Variants in LPP observed in about 807,000 individuals in gnomAD.
LPP encodes the protein lipoma-preferred partner.
A neutral mutation model predicts 60.4 loss-of-function variants in LPP; 38 were observed. The ratio of observed to expected loss-of-function variants is 0.63; its 90% CI spans 0.49 to 0.83. The LOEUF (loss-of-function observed/expected upper bound fraction) is 0.83. LPP is among the 40% of genes least tolerant of loss of function. The pLI, the probability that LPP is intolerant of heterozygous loss-of-function variation, is 0.00. For missense variants in LPP, 902 were observed against 783.6 expected (o/e 1.15, Z -1.80); for synonymous variants, 328 against 290.8 (o/e 1.13, Z -1.30).
chr3:188,839,041 G>C (rs1759232747), intron 9 of LPP, among the ~76,000 whole-genome samples: 1 of 152,094 alleles, frequency 6.6e-6, no homozygotes, highest in Admixed American at 6.6e-5. Flanking sequence ...ATAAGAAGAA[G>C]TTGAAGTCAG....
chr3:188,516,935 A>G (rs1817544175), intron 5 of LPP, among the ~76,000 whole-genome samples: 2 of 152,126 alleles, frequency 1.3e-5, no homozygotes, highest in African/African-American at 4.8e-5. Context: ...ACCCTTACAC[A>G]TGTTCAGATG....
intron 8 of LPP, chr3:188,709,955 T>C (rs1446881973): frequency 6.6e-6 from 1 of 152,246 alleles, no homozygotes; most frequent in Non-Finnish European, 1.5e-5. Flanking sequence ...CCTTTGTTCC[T>C]GTATTTATCT....
intron 2 of LPP, among the ~76,000 whole-genome samples, chr3:188,233,499 T>A (rs1333314813): frequency 6.6e-6 from 1 of 152,214 alleles, no homozygotes; most frequent in African/African-American, 2.4e-5. Flanking sequence ...TTATTAAAAA[T>A]GATCTAATGT....
At position 188,302,430 on chromosome 3, in the gene LPP, GCA is replaced by G. The variant is rs1305518459; in HGVS notation, c.-66-39230_-66-39229del. On this transcript the variant is annotated intron_variant, in intron 2 of 11. Coordinates refer to ENST00000617246, the MANE Select transcript of LPP (RefSeq NM_001375462.1). ...ACCTCTGAAAAGGATCCTGCAAATA[GCA>G]CAGTTTTCAGTTCTTTTCTTGAGAG... is the stretch of plus-strand genomic sequence containing the variant. Among the ~76,000 whole-genome samples the G allele has an allele frequency of 9.2e-5, 14 of 152,296 alleles. No individual in the cohort carries two copies. In the East Asian group the frequency reaches 2.7e-3, roughly 29 times the overall value.
At chr3:188,803,508 G>A (rs1368064092) in intron 9 of LPP, among the ~76,000 whole-genome samples, 1 of 152,158 alleles carries the variant, frequency 6.6e-6, no homozygotes, top group African/African-American at 2.4e-5. Flanking sequence ...CAAATTTTGA[G>A]TAAAGGTATT....
rs1199328934 is a variant in LPP at position 188,880,830 on chromosome 3, A to G, written c.*6351A>G. On this transcript the variant is annotated 3_prime_UTR_variant, in exon 12 of 12. Coordinates refer to ENST00000617246, the MANE Select transcript of LPP (RefSeq NM_001375462.1). ...CATCTTGTGTTCTACACCACTATAG[A>G]GAGTTACAGTTGCCCCCAAACACGA... The G allele has an allele frequency of 5.6e-6, 1 of 179,244 alleles. No homozygotes were observed. The highest frequency in any genetic ancestry group is 1.2e-5 in the Non-Finnish European group (1 of 83,754). The allele number at this position is 179,244 out of a possible 1,614,324, so 11.1% of individuals were successfully genotyped here. A position where few individuals can be genotyped will look rare whatever the true frequency, so the allele number is the denominator to read the frequency against.
intron 5 of LPP, among the ~76,000 whole-genome samples, chr3:188,489,305 A>G (rs965293491): frequency 6.6e-6 from 1 of 152,214 alleles, no homozygotes; most frequent in African/African-American, 2.4e-5. Context: ...GATCAGAAGC[A>G]TAATCTAAGT....
chr3:188,861,888 C>CT (rs11376373), intron 9 of LPP, among the ~76,000 whole-genome samples: 150,685 of 152,322 alleles, frequency 0.99, 74,538 homozygotes, highest in East Asian at 1. Flanking sequence ...TTCTGCTACT[C>CT]TACGTCCTTT....
chr3:188,863,988 AG>A (rs1267524665), intron 9 of LPP, among the ~76,000 whole-genome samples: 2 of 151,158 alleles, frequency 1.3e-5, no homozygotes, highest in Non-Finnish European at 3.0e-5. Context: ...AAACCCACAG[AG>A]GAGCAAAACA....
At chr3:188,700,834 A>T (rs1012077171) in intron 7 of LPP, among the ~76,000 whole-genome samples, 1 of 152,212 alleles carries the variant, frequency 6.6e-6, no homozygotes, top group Non-Finnish European at 1.5e-5. Flanking sequence ...GTAAATATGA[A>T]TATCTGTGAT....
chr3:188,335,734 T>A (rs1449228334), intron 2 of LPP, among the ~76,000 whole-genome samples: 1 of 152,242 alleles, frequency 6.6e-6, no homozygotes, highest in Non-Finnish European at 1.5e-5. Context: ...ATTTCTTTTT[T>A]ACTGGAGTCT....
chr3:188,641,598 C>T (rs923697223), intron 7 of LPP, among the ~76,000 whole-genome samples: 4 of 152,134 alleles, frequency 2.6e-5, no homozygotes, highest in Non-Finnish European at 5.9e-5. Flanking sequence ...CAGCAGGATG[C>T]GTATCCCATT....
At chr3:188,202,366 G>A (rs1685759152) in intron 1 of LPP, among the ~76,000 whole-genome samples, 1 of 152,178 alleles carries the variant, frequency 6.6e-6, no homozygotes, top group African/African-American at 2.4e-5. Context: ...GTGCCACACA[G>A]ATACTGTCTC....
At chr3:188,272,345 C>T (rs1032173920) in intron 2 of LPP, among the ~76,000 whole-genome samples, 2 of 152,146 alleles carry the variant, frequency 1.3e-5, no homozygotes, top group Non-Finnish European at 2.9e-5. Flanking sequence ...GTAAAAAGAC[C>T]GTGCCATTAT....
chr3:188,441,923 G>T (rs1470661626), intron 4 of LPP, among the ~76,000 whole-genome samples: 1 of 151,738 alleles, frequency 6.6e-6, no homozygotes, highest in African/African-American at 2.4e-5. Context: ...GCGCCCGGCC[G>T]CAATACTCAT....
chr3:188,806,809 A>G (rs1749285024), intron 9 of LPP, among the ~76,000 whole-genome samples: 2 of 151,768 alleles, frequency 1.3e-5, no homozygotes, highest in African/African-American at 2.4e-5. Context: ...TACAATTGTT[A>G]CTCTCAATTT....
intron 9 of LPP, among the ~76,000 whole-genome samples, chr3:188,812,454 T>C (rs1751265390): frequency 6.6e-6 from 1 of 152,158 alleles, no homozygotes; most frequent in African/African-American, 2.4e-5. Context: ...CATAAAAAGA[T>C]CTAAATGCAT....
At chr3:188,384,147 G>A (rs988752749) in intron 3 of LPP, among the ~76,000 whole-genome samples, 1 of 152,114 alleles carries the variant, frequency 6.6e-6, no homozygotes, top group Non-Finnish European at 1.5e-5. Context: ...TGTCTTTGAC[G>A]AAGTTTATGT....
rs761950392 is a variant in LPP, at chr3:188,609,224, G to A, written c.493G>A (p.Val165Ile). The A allele has an allele frequency of 6.2e-7, 1 of 1,613,864 alleles. No homozygotes were observed. The highest frequency in any genetic ancestry group is 2.2e-5 in the East Asian group (1 of 44,840). The change falls in exon 7 of 12, where the codon GTC (valine) becomes ATC (isoleucine). Residue 165 changes from valine to isoleucine, a missense_variant. Val to Ile is a conservative substitution (Grantham distance 29). Transcript: ENST00000617246. The surrounding 1 kb of genome is among the most constrained non-coding windows in gnomAD (Gnocchi z 6.9). ...CCCAGTCACAGGACACAAGAGAATG[G>A]TCATCCCGAACCAACCCCCTCTAAC... ...STPVTGHKRMVIPNQPPLTAT... is the reference protein window; with the variant it reads ...STPVTGHKRMIIPNQPPLTAT...
Sources: gnomAD v4.1 joint callset for allele counts (sites outside exome capture counted in the v4.1 genomes callset) on GRCh38, gnomAD v4.1.1 for gene constraint, Gnocchi (gnomAD v3.1) non-coding constraint, MANE v1.5 for transcripts, NCBI Gene and HGNC (gene_info 2026-07-23, HGNC 2026-07-21) for gene names.